GRHL3: variants seen among roughly 807,000 people sequenced by gnomAD.
The protein encoded by GRHL3 is grainyhead like transcription factor 3.
In GRHL3, 20 loss-of-function variants were observed where a neutral mutation model predicts 70.3. The observed-to-expected ratio is 0.28, with a 90% confidence interval of 0.20 to 0.41. The LOEUF (loss-of-function observed/expected upper bound fraction) is 0.41. GRHL3 is among the 10% of genes least tolerant of loss of function. GRHL3 has a pLI of 1.00. For synonymous variants in GRHL3, 299 were observed against 299.9 expected (o/e 1.00, Z 0.03); for missense variants, 637 against 762.3 (o/e 0.84, Z 1.94).
exon 16 of GRHL3, chr1:24,364,353 C>A: frequency 6.5e-7 from 1 of 1,544,946 alleles, no homozygotes; most frequent in Non-Finnish European, 8.7e-7. Context: ...GCCTGCACTT[C>A]ACTGTAAACT....
At chr1:24,341,973 CTGA>C in intron 8 of GRHL3, 139 bp from the exon 9 acceptor site, 1 of 690,090 alleles carries the variant, frequency 1.4e-6, no homozygotes, top group Non-Finnish European at 2.4e-6. Context: ...AAGAGGAGTG[CTGA>C]TGTTTGCCTT....
chr1:24,359,978 C>T (rs185766852), downstream of GRHL3, among the ~76,000 whole-genome samples: 5 of 152,244 alleles, frequency 3.3e-5, no homozygotes, highest in East Asian at 1.9e-4. The surrounding 1 kb of genome is among the most constrained non-coding windows in gnomAD (Gnocchi z 5.3). Context: ...AGAGCTGCTC[C>T]GTTGGACAGT....
chr1:24,357,218 T>G (rs1273925113), downstream of GRHL3: 1 of 152,244 alleles, frequency 6.6e-6, no homozygotes, highest in Admixed American at 6.5e-5. Context: ...GGCCTCACTG[T>G]GGCTGTGACG....
rs79446503 is a variant in GRHL3, at chr1:24,334,942, T to A, written c.266+236T>A. On this transcript the variant is annotated intron_variant, in intron 3 of 15. Transcript: ENST00000361548. The surrounding 1 kb of genome is among the most constrained non-coding windows in gnomAD (Gnocchi z 4.3). ...CCATTGTACTTACTAAAGATATTTT[T>A]AAATGTTTTGGAAGAGGCCAGTGAA... Among the ~76,000 whole-genome samples, 5,345 of 152,100 alleles carry A rather than the reference T, an allele frequency of 0.035. 222 individuals are homozygous for A. Among genetic ancestry groups the A allele is most frequent in the South Asian group, 0.14 (654 of 4,800 alleles).
intron 11 of GRHL3, 105 bp downstream of exon 11, chr1:24,343,130 C>A: frequency 2.3e-6 from 3 of 1,326,046 alleles, no homozygotes; most frequent in Non-Finnish European, 3.2e-6. Context: ...GCCCCTCAGC[C>A]AGTTTCAAGA....
At chr1:24,358,378 A>C (rs1372527069), downstream of GRHL3, 1 of 721,226 alleles carries the variant, frequency 1.4e-6, no homozygotes, top group African/African-American at 1.7e-5. Context: ...CTCAAGACAA[A>C]GGCAATGGCA....
intron 12 of GRHL3, among the ~76,000 whole-genome samples, chr1:24,346,109 C>T (rs966445469): frequency 6.6e-6 from 1 of 151,856 alleles, no homozygotes; most frequent in Admixed American, 6.6e-5. Context: ...TCCAAAGCCC[C>T]CAGTCCTTCC....
chr1:24,338,162 A>G (rs904252650), intron 7 of GRHL3, 59 bp downstream of exon 7: 2 of 1,175,340 alleles, frequency 1.7e-6, no homozygotes, highest in African/African-American at 1.5e-5. Flanking sequence ...CCCCGCATCA[A>G]TCAGGCCTTT....
Position 24,337,397 on chromosome 1 carries a change from C to T in GRHL3, c.687-239C>T. 6.7e-6 allele frequency: 4 copies of T among 592,924 alleles called. No homozygotes were observed. In the South Asian group the frequency reaches 9.1e-5, roughly 13 times the overall value. The allele number at this position is 592,924 out of a possible 1,614,324, so 36.7% of individuals were successfully genotyped here. On this transcript the variant is annotated intron_variant, in intron 5 of 15. Coordinates refer to ENST00000361548, the MANE Select transcript of GRHL3 (RefSeq NM_198173.3). ...TATCCTTAGTTTTCCCTGGTTTTGTCACCCCTCAAGGTTCTCTCTAATTTT... is the reference window on the plus strand; with the variant it reads ...TATCCTTAGTTTTCCCTGGTTTTGTTACCCCTCAAGGTTCTCTCTAATTTT...
At chr1:24,325,788 G>A (rs1206845265) in intron 1 of GRHL3, among the ~76,000 whole-genome samples, 1 of 152,200 alleles carries the variant, frequency 6.6e-6, no homozygotes, top group Non-Finnish European at 1.5e-5. Context: ...CAGACTGGAC[G>A]GGAGGCCTCA....
At chr1:24,357,890 C>T (rs114389997), downstream of GRHL3, 7 of 320,840 alleles carry the variant, frequency 2.2e-5, no homozygotes, top group South Asian at 5.5e-5. Context: ...CCCCCGGGCC[C>T]GGCCACTGCC....
chr1:24,321,993 C>T lies in GRHL3; in HGVS notation c.17+2425C>T, dbSNP rs898812836. On this transcript the variant is annotated intron_variant, in intron 1 of 15. Transcript: ENST00000361548. This position sits in a 1 kb window ranked among gnomAD's most constrained non-coding sequence, Gnocchi z 4.0. ...GGTCTCGCAGGAAAACAGCCGGCGC[C>T]CGCGAGCTGCCCAGCGTCGGGTTTT... 8 of 152,134 alleles carry T rather than the reference C, an allele frequency of 5.3e-5. No individual in the cohort carries two copies. Among genetic ancestry groups the T allele is most frequent in the Non-Finnish European group, 1.0e-4 (7 of 68,016 alleles). The allele number at this position is 152,134 out of a possible 1,614,324, so 9.4% of individuals were successfully genotyped here. A position where few individuals can be genotyped will look rare whatever the true frequency, so the allele number is the denominator to read the frequency against.
intron 7 of GRHL3, 145 bp from the exon 8 acceptor site, chr1:24,339,523 C>A (rs1639957330): frequency 1.8e-6 from 1 of 548,958 alleles, no homozygotes; most frequent in Non-Finnish European, 3.4e-6. Context: ...TTGTGATCCC[C>A]CTGCCTCGGC....
At chr1:24,339,568 C>A in intron 7 of GRHL3, 100 bp from the exon 8 acceptor site, 1 of 745,342 alleles carries the variant, frequency 1.3e-6, no homozygotes, top group Non-Finnish European at 2.3e-6. Context: ...CGTGAGAAAC[C>A]ACGCCCGGCC....
rs1404941388 is a variant in GRHL3, at chr1:24,336,795, C to T, written c.580C>T (p.Pro194Ser). 1.1e-5 allele frequency: 17 copies of T among 1,608,610 alleles called. No homozygotes were observed. Among genetic ancestry groups the T allele is most frequent in the Admixed American group, 3.4e-5 (2 of 59,624 alleles). Residue 194 changes from proline to serine, a missense_variant, in exon 4 of 16, where the codon CCA (proline) becomes TCA (serine). Pro to Ser is a moderately conservative substitution (Grantham distance 74, BLOSUM62 -1). Transcript: ENST00000361548. ...GGTGCCGCCCACACAGCGCTGGCAG[C>T]CAGACAGCACCTTCAAAGATGACCC... ...HGVPPTQRWQ[P>S]DSTFKDDPQE... is the part of the protein sequence containing the mutation.
At chr1:24,345,130 C>T (rs62636746) in intron 12 of GRHL3, among the ~76,000 whole-genome samples, 199 bp downstream of exon 12, 1 of 114,878 alleles carries the variant, frequency 8.7e-6, no homozygotes. Context: ...TGTGCCCCTC[C>T]ACACCTGTGC....
At chr1:24,340,911 C>T (rs1010614711) in intron 8 of GRHL3, among the ~76,000 whole-genome samples, 1 of 152,014 alleles carries the variant, frequency 6.6e-6, no homozygotes, top group Non-Finnish European at 1.5e-5. Context: ...CTTTTAAGCC[C>T]CCAGGCTTGG....
chr1:24,341,789 C>G (rs2148659589), intron 8 of GRHL3, among the ~76,000 whole-genome samples: 1 of 152,288 alleles, frequency 6.6e-6, no homozygotes, highest in Middle Eastern at 3.4e-3. Context: ...TCTTGACATC[C>G]CCCCCAGTCT....
chr1:24,358,117 T>C, downstream of GRHL3: 1 of 429,022 alleles, frequency 2.3e-6, no homozygotes, highest in Non-Finnish European at 4.7e-6. Flanking sequence ...AATGAATGTG[T>C]AAATGAATGA....
Sources: gnomAD v4.1 joint callset for allele counts (sites outside exome capture counted in the v4.1 genomes callset) on GRCh38, gnomAD v4.1.1 for gene constraint, Gnocchi (gnomAD v3.1) non-coding constraint, MANE v1.5 for transcripts, NCBI Gene and HGNC (gene_info 2026-07-23, HGNC 2026-07-21) for gene names.